The following GALNS variants were observed in gnomAD, a reference collection of about 807,000 sequenced individuals.
The protein encoded by GALNS is N-acetylgalactosamine-6-sulfatase.
Under a neutral mutation model 65.9 loss-of-function variants are expected in GALNS, and 65 were observed. The ratio of observed to expected loss-of-function variants is 0.99; its 90% CI spans 0.81 to 1.21. The LOEUF (loss-of-function observed/expected upper bound fraction) is 1.21. GALNS is among the 50% of genes most tolerant of loss of function. The pLI, the probability that GALNS is intolerant of heterozygous loss-of-function variation, is 0.00. For missense variants in GALNS, 776 were observed against 700.7 expected (o/e 1.11, Z -1.21); for synonymous variants, 346 against 288.9 (o/e 1.20, Z -2.00).
intron 11 of GALNS, among the ~76,000 whole-genome samples, chr16:88,822,976 C>T (rs981584784): frequency 1.1e-4 from 17 of 152,182 alleles, no homozygotes; most frequent in African/African-American, 4.1e-4. Flanking sequence ...TGAAGCCACC[C>T]GCTCTGGGCC....
At chr16:88,831,908 T>A in intron 9 of GALNS, 90 bp downstream of exon 9, 1 of 1,075,686 alleles carries the variant, frequency 9.3e-7, no homozygotes, top group South Asian at 1.3e-5. Context: ...ACGGGGTGCA[T>A]GGGGGAGGTG....
intron 4 of GALNS, 94 bp from the exon 5 acceptor site, chr16:88,837,859 G>C: frequency 7.4e-7 from 1 of 1,357,908 alleles, no homozygotes; most frequent in Non-Finnish European, 1.0e-6. Flanking sequence ...AAAATTCTTG[G>C]TAAGACGAGC....
intron 13 of GALNS, chr16:88,814,907 A>G (rs934899877): frequency 1.8e-4 from 83 of 456,840 alleles, no homozygotes; most frequent in Admixed American, 7.7e-4. Flanking sequence ...CCATTTTTGT[A>G]TTTTTGGTAG....
At chr16:88,854,217 A>G (rs890410204) in intron 1 of GALNS, among the ~76,000 whole-genome samples, 3 of 152,222 alleles carry the variant, frequency 2.0e-5, no homozygotes, top group Non-Finnish European at 2.9e-5. Context: ...GTCATGCCAG[A>G]GGCCGAATGA....
chr16:88,853,114 G>C (rs550749621), intron 1 of GALNS, among the ~76,000 whole-genome samples: 1 of 151,950 alleles, frequency 6.6e-6, no homozygotes, highest in Non-Finnish European at 1.5e-5. Flanking sequence ...AGCTGGGCAC[G>C]GTGGTGGGAG....
rs756678709 is a variant in GALNS at position 88,824,858 on chromosome 16, T to C, written c.1151A>G (p.Tyr384Cys). ...QGRLMDRPIF[Y>C]YRGDTLMAAT... ...CGCCATCAGCGTGTCGCCACGGTAA[T>C]AGAAGATAGGCCTGTGGGATGGGAG... Residue 384 changes from tyrosine to cysteine, a missense_variant, in exon 11 of 14, where the codon TAT becomes TGT. Physicochemically the swap from Tyr to Cys is radical, Grantham distance 194. Transcript: ENST00000268695. The C allele has an allele frequency of 3.7e-6, 6 of 1,613,130 alleles. No homozygotes were observed. Among genetic ancestry groups the C allele is most frequent in the East Asian group, 4.5e-5 (2 of 44,876 alleles).
At chr16:88,824,267 T>G (rs1910565137) in intron 11 of GALNS, among the ~76,000 whole-genome samples, 1 of 151,950 alleles carries the variant, frequency 6.6e-6, no homozygotes, top group Non-Finnish European at 1.5e-5. Flanking sequence ...CGAGGGCTCG[T>G]GGGAGAAAGC....
rs759848160 is a variant in GALNS at position 88,822,677 on chromosome 16, C to T, written c.1276G>A (p.Gly426Arg). The T allele has an allele frequency of 1.2e-6, 2 of 1,612,934 alleles. No homozygotes were observed. Among genetic ancestry groups the T allele is most frequent in the Non-Finnish European group, 1.7e-6 (2 of 1,179,800 alleles). ...IDFCPGQNVS[G>R]VTTHNLEDHT... ...TCTTCCAGATTGTGAGTTGTGACCCCTGAAACGTTCTGCCCAGGGCAGAAA... is the reference window on the plus strand; with the variant it reads ...TCTTCCAGATTGTGAGTTGTGACCCTTGAAACGTTCTGCCCAGGGCAGAAA... Residue 426 changes from glycine to arginine, a missense_variant, in exon 12 of 14, where the codon GGG becomes AGG. By Grantham distance (125) the Gly-to-Arg change is moderately radical. Coordinates refer to ENST00000268695, the MANE Select transcript of GALNS (RefSeq NM_000512.5).
intron 1 of GALNS, among the ~76,000 whole-genome samples, chr16:88,850,321 C>T (rs921492566): frequency 6.6e-6 from 1 of 152,112 alleles, no homozygotes; most frequent in African/African-American, 2.4e-5. Flanking sequence ...TGAGGCTTCC[C>T]GAGGCGGGTC....
chr16:88,814,943 G>A, intron 13 of GALNS: 1 of 746,254 alleles, frequency 1.3e-6, no homozygotes, highest in South Asian at 6.1e-5. Flanking sequence ...AAGTTGGCCA[G>A]GCTGGTCTCA....
At position 88,814,329 on chromosome 16, in the gene GALNS, C is replaced by A; in HGVS notation, c.*110G>T. The A allele has an allele frequency of 7.1e-7, 1 of 1,414,052 alleles. No individual in the cohort carries two copies. The highest frequency in any genetic ancestry group is 9.8e-7 in the Non-Finnish European group (1 of 1,025,406). 87.6% of individuals were successfully genotyped at this position (1,414,052 alleles called of 1,614,324 possible). A position where few individuals can be genotyped will look rare whatever the true frequency, so the allele number is the denominator to read the frequency against. ...GTCCCCCTGCGTCTGCAGGTGCTGT[C>A]TGTCTGGCTTGGGCAGGGTTGGGGG... is the stretch of plus-strand genomic sequence containing the variant. On this transcript the variant is annotated 3_prime_UTR_variant, in exon 14 of 14. Transcript: ENST00000268695.
intron 12 of GALNS, among the ~76,000 whole-genome samples, chr16:88,820,043 G>T (rs183169486): frequency 2.1e-4 from 32 of 151,952 alleles, no homozygotes; most frequent in Non-Finnish European, 4.6e-4. Context: ...GACCAGGCTG[G>T]TCTCAAACTC....
chr16:88,819,703 T>C (rs1173407778), intron 12 of GALNS, among the ~76,000 whole-genome samples: 1 of 151,604 alleles, frequency 6.6e-6, no homozygotes, highest in Non-Finnish European at 1.5e-5. Flanking sequence ...ATTTTAATTA[T>C]TATTTTTTGA....
chr16:88,836,418 G>T, intron 5 of GALNS, 151 bp from the exon 6 acceptor site: 1 of 717,882 alleles, frequency 1.4e-6, no homozygotes, highest in Non-Finnish European at 2.5e-6. Context: ...CATTTTGGGA[G>T]GCTGAGGAAG....
chr16:88,828,422 A>G (rs960184956), intron 9 of GALNS, among the ~76,000 whole-genome samples: 2 of 152,216 alleles, frequency 1.3e-5, no homozygotes, highest in African/African-American at 4.8e-5. Context: ...AACCGTTATC[A>G]GCGCTTTCGA....
intron 1 of GALNS, 71 bp from the exon 2 acceptor site, chr16:88,842,900 T>C (rs948394242): frequency 6.3e-7 from 1 of 1,592,192 alleles, no homozygotes; most frequent in Non-Finnish European, 8.5e-7. Context: ...GAGCTGCCCA[T>C]GGTGCCAAGA....
intron 13 of GALNS, chr16:88,815,057 G>T (rs2142969892): frequency 2.1e-6 from 2 of 930,272 alleles, no homozygotes; most frequent in African/African-American, 2.7e-5. Flanking sequence ...TGTGTCCCCT[G>T]CCCAGGTCAA....
chr16:88,842,727 C>G lies in GALNS; in HGVS notation c.223G>C (p.Ala75Pro). 2 of 1,612,890 alleles carry G rather than the reference C, an allele frequency of 1.2e-6. No homozygotes were observed. Among genetic ancestry groups the G allele is most frequent in the Non-Finnish European group, 1.7e-6 (2 of 1,179,736 alleles). ...EGLLFPNFYS[A>P]NPLCSPSRAA... ...TTACATGGCGAGCACAGAGGGTTGG[C>G]AGAATAGAAGTTTGGGAAAAGCAGC... Residue 75 changes from alanine to proline, a missense_variant, in exon 2 of 14, where the codon GCC (alanine) becomes CCC (proline). Coordinates refer to ENST00000268695, the MANE Select transcript of GALNS (RefSeq NM_000512.5).
At chr16:88,840,795 G>A in intron 4 of GALNS, 197 bp downstream of exon 4, 1 of 625,256 alleles carries the variant, frequency 1.6e-6, no homozygotes, top group Non-Finnish European at 2.9e-6. Context: ...GACCAGCCTG[G>A]TGACCTGAGA....
Sources: gnomAD v4.1 joint callset for allele counts (sites outside exome capture counted in the v4.1 genomes callset) on GRCh38, gnomAD v4.1.1 for gene constraint, MANE v1.5 for transcripts, NCBI Gene and HGNC (gene_info 2026-07-23, HGNC 2026-07-21) for gene names.